The following S100Z variants were observed in gnomAD, a reference collection of about 807,000 sequenced individuals.
The protein encoded by S100Z is protein S100-Z.
Under a neutral mutation model 8.5 loss-of-function variants are expected in S100Z, and 11 were observed. That is an observed-to-expected ratio of 1.30 (90% confidence interval 0.82 to 2.15). The LOEUF (loss-of-function observed/expected upper bound fraction) is 2.15. Among genes scored for constraint, S100Z ranks in the 30% most tolerant of loss-of-function variants. The pLI, the probability that S100Z is intolerant of heterozygous loss-of-function variation, is 0.00. For synonymous variants in S100Z, 34 were observed against 43.8 expected (o/e 0.78, Z 0.89); for missense variants, 126 against 117.9 (o/e 1.07, Z -0.32).
chr5:76,853,533 C>T (rs1219539099), intron 1 of S100Z, among the ~76,000 whole-genome samples: 2 of 152,124 alleles, frequency 1.3e-5, no homozygotes, highest in African/African-American at 2.4e-5. Context: ...TGTTGGCTCC[C>T]ATCTGTAATC....
At position 76,877,750 on chromosome 5, in the gene S100Z, A is replaced by G; in HGVS notation, c.218A>G (p.Asn73Ser). ...AATAAGGACAACGAAGTGGATTTTA[A>G]TGAATTCGTGGTCATGGTGGCAGCT... is the stretch of plus-strand genomic sequence containing the variant. ...DANKDNEVDF[N>S]EFVVMVAALT... is the part of the protein sequence containing the mutation. Residue 73 changes from asparagine (N) to serine (S), a missense_variant, in exon 4 of 5, where the codon AAT becomes AGT. Coordinates refer to ENST00000317593, the MANE Select transcript of S100Z (RefSeq NM_130772.4). The G allele has an allele frequency of 6.2e-7, 1 of 1,611,720 alleles. No homozygotes were observed.
intron 4 of S100Z, among the ~76,000 whole-genome samples, chr5:76,891,296 T>C (rs1743846259): frequency 6.6e-6 from 1 of 152,240 alleles, no homozygotes; most frequent in Non-Finnish European, 1.5e-5. Context: ...TTTTAAAATA[T>C]AGATGAATAA....
chr5:76,887,574 T>C (rs372394978), intron 4 of S100Z, among the ~76,000 whole-genome samples: 20 of 151,972 alleles, frequency 1.3e-4, no homozygotes, highest in African/African-American at 4.8e-4. Flanking sequence ...ACTTTTGTCT[T>C]TTTAGTAGAG....
At chr5:76,871,486 C>T (rs1311505562) in intron 2 of S100Z, among the ~76,000 whole-genome samples, 1 of 150,086 alleles carries the variant, frequency 6.7e-6, no homozygotes, top group Non-Finnish European at 1.5e-5. Flanking sequence ...GACAACAATG[C>T]TTAACTCTTT....
chr5:76,924,417 A>G (rs1172160198), downstream of S100Z, among the ~76,000 whole-genome samples: 3 of 152,134 alleles, frequency 2.0e-5, no homozygotes, highest in Non-Finnish European at 4.4e-5. Context: ...AAAGCTTCAG[A>G]GGGTGAAGAA....
chr5:76,923,984 C>G (rs956131146), downstream of S100Z, among the ~76,000 whole-genome samples: 1 of 152,138 alleles, frequency 6.6e-6, no homozygotes, highest in African/African-American at 2.4e-5. Flanking sequence ...CCGAAGATCC[C>G]TGATCTATCT....
intron 4 of S100Z, among the ~76,000 whole-genome samples, chr5:76,919,770 T>C (rs1300790548): frequency 6.6e-6 from 1 of 151,794 alleles, no homozygotes; most frequent in African/African-American, 2.4e-5. Flanking sequence ...CCATACTGGC[T>C]AAAATTCTTT....
intron 4 of S100Z, among the ~76,000 whole-genome samples, chr5:76,879,664 C>T (rs564907276): frequency 4.6e-5 from 7 of 152,010 alleles, no homozygotes; most frequent in African/African-American, 7.2e-5. Flanking sequence ...GAGGTCACTC[C>T]GGATGAGAAT....
chr5:76,872,117 C>A (rs575632026), intron 2 of S100Z, among the ~76,000 whole-genome samples: 1 of 152,128 alleles, frequency 6.6e-6, no homozygotes, highest in South Asian at 2.1e-4. Flanking sequence ...GTGGTGTGCA[C>A]CTGTGTGTGG....
chr5:76,854,261 G>C (rs1423652494), intron 1 of S100Z, among the ~76,000 whole-genome samples: 2 of 152,178 alleles, frequency 1.3e-5, no homozygotes, highest in Admixed American at 6.5e-5. Context: ...ACTGGGTAAC[G>C]GGCACAGGTT....
At chr5:76,949,228 C>A in the S100Z span, among the ~76,000 whole-genome samples, 11,923 of 151,878 alleles carry the variant, frequency 0.079, 760 homozygotes, top group African/African-American at 0.18. Context: ...CTCTACTAAA[C>A]ATACAAAAAA....
At chr5:76,933,091 T>G in the S100Z span, among the ~76,000 whole-genome samples, 1 of 152,166 alleles carries the variant, frequency 6.6e-6, no homozygotes, top group Non-Finnish European at 1.5e-5. Context: ...AGGATAAAGT[T>G]TTAGAGTCCA....
intron 1 of S100Z, among the ~76,000 whole-genome samples, chr5:76,862,748 G>A (rs1239926134): frequency 1.3e-5 from 2 of 152,082 alleles, no homozygotes; most frequent in East Asian, 3.9e-4. Flanking sequence ...GTTGCAGTGA[G>A]CCGAGATCAA....
At chr5:76,903,232 GAT>G (rs1306409041) in intron 4 of S100Z, among the ~76,000 whole-genome samples, 1 of 152,076 alleles carries the variant, frequency 6.6e-6, no homozygotes, top group East Asian at 1.9e-4. Flanking sequence ...ATCATCACCA[GAT>G]ACTTCTGTCT....
At position 76,875,408 on chromosome 5, in the gene S100Z, C is replaced by A; in HGVS notation, c.49C>A (p.His17Asn). ...CATGGACACCATGATTAGAATCTTC[C>A]ACCGCTATTCTGGCAAGGAAAGGAA... ...MAMDTMIRIF[H>N]RYSGKERKRF... The change falls in exon 3 of 5, where the codon CAC (histidine) becomes AAC (asparagine). Residue 17 changes from histidine to asparagine, a missense_variant. Transcript: ENST00000317593. The A allele has an allele frequency of 1.2e-6, 2 of 1,613,296 alleles. No individual in the cohort carries two copies.
the S100Z span, among the ~76,000 whole-genome samples, chr5:76,947,298 A>G: frequency 6.6e-6 from 1 of 152,100 alleles, no homozygotes; most frequent in Non-Finnish European, 1.5e-5. Context: ...GCAACCCTGA[A>G]AAGTCTGAAC....
chr5:76,920,792 G>C lies in S100Z; in HGVS notation c.*78G>C, dbSNP rs370895318. 45 of 152,308 alleles carry C rather than the reference G, an allele frequency of 3.0e-4. No individual in the cohort carries two copies. The highest frequency in any genetic ancestry group is 3.4e-3 in the Middle Eastern group (1 of 294). 9.4% of individuals were successfully genotyped at this position (152,308 alleles called of 1,614,324 possible). A position where few individuals can be genotyped will look rare whatever the true frequency, so the allele number is the denominator to read the frequency against. On this transcript the variant is annotated 3_prime_UTR_variant, in exon 5 of 5. Transcript: ENST00000317593. ...TTGAAAATCATCGCTCTCAGGACGGGGTCTGCCTGGAATAGCACTGAATGT... is the reference window on the plus strand; with the variant it reads ...TTGAAAATCATCGCTCTCAGGACGGCGTCTGCCTGGAATAGCACTGAATGT...
chr5:76,850,595 T>G (rs1750700780), intron 1 of S100Z, among the ~76,000 whole-genome samples: 1 of 152,136 alleles, frequency 6.6e-6, no homozygotes. Flanking sequence ...TTCTTTTTCC[T>G]GAAGCCTGCA....
At chr5:76,879,443 C>G (rs1455252256) in intron 4 of S100Z, among the ~76,000 whole-genome samples, 1 of 152,050 alleles carries the variant, frequency 6.6e-6, no homozygotes, top group East Asian at 1.9e-4. Flanking sequence ...GCAAATGATG[C>G]CTTTTACTAA....
Sources: gnomAD v4.1 joint callset for allele counts (sites outside exome capture counted in the v4.1 genomes callset) on GRCh38, gnomAD v4.1.1 for gene constraint, MANE v1.5 for transcripts, NCBI Gene and HGNC (gene_info 2026-07-23, HGNC 2026-07-21) for gene names.